Variants in GRIN2B observed in about 807,000 individuals in gnomAD.
The protein encoded by GRIN2B is glutamate ionotropic receptor NMDA type subunit 2B.
In GRIN2B, 5 loss-of-function variants were observed where a neutral mutation model predicts 114.5. The ratio of observed to expected loss-of-function variants is 0.04; its 90% CI spans 0.02 to 0.09. GRIN2B has a LOEUF of 0.09. Among genes scored for constraint, GRIN2B ranks in the 10% least tolerant of loss-of-function variants. The pLI is 1.00. For missense variants in GRIN2B, 1,108 were observed against 1,943.5 expected, an observed-to-expected ratio of 0.57 and a Z score of 8.08; for synonymous variants, 787 against 745.1, an observed-to-expected ratio of 1.06 and a Z score of -0.92.
chr12:13,817,532 G>A (rs572854701), intron 3 of GRIN2B, among the ~76,000 whole-genome samples: 29 of 152,170 alleles, frequency 1.9e-4, no homozygotes, highest in Non-Finnish European at 3.1e-4. Flanking sequence ...ATTAATTCTA[G>A]CACATGTGGA....
At chr12:13,723,816 A>C (rs914203281) in intron 4 of GRIN2B, among the ~76,000 whole-genome samples, 1 of 152,162 alleles carries the variant, frequency 6.6e-6, no homozygotes. Flanking sequence ...AAGTCTTAAA[A>C]AAATAAACTG....
Position 13,567,048 on chromosome 12 carries a change from C to G in GRIN2B, c.2575G>C (p.Gly859Arg). 1 of 1,613,536 alleles carries G rather than the reference C, an allele frequency of 6.2e-7. No homozygotes were observed. The highest frequency in any genetic ancestry group is 8.5e-7 in the Non-Finnish European group (1 of 1,179,444). ...ACTCTGCTGATGGAGAAGACCATGCCAGGCTTGCCAGAACAGACACCCATA... is the reference window on the plus strand; with the variant it reads ...ACTCTGCTGATGGAGAAGACCATGCGAGGCTTGCCAGAACAGACACCCATA... ...CFMGVCSGKP[G>R]MVFSISRGIY... is the part of the protein sequence containing the mutation. Residue 859 changes from glycine (G) to arginine (R), a missense_variant, in exon 13 of 14, where the codon GGC (glycine) becomes CGC (arginine). By Grantham distance (125) the Gly-to-Arg change is moderately radical. Coordinates refer to ENST00000609686, the MANE Select transcript of GRIN2B (RefSeq NM_000834.5).
chr12:13,863,637 T>C (rs1423224020), intron 3 of GRIN2B, among the ~76,000 whole-genome samples: 2 of 152,196 alleles, frequency 1.3e-5, no homozygotes, highest in African/African-American at 4.8e-5. Context: ...GCCTAGCATA[T>C]GGGGAACACT....
At chr12:13,596,259 C>T (rs1172312936) in intron 10 of GRIN2B, among the ~76,000 whole-genome samples, 2 of 152,196 alleles carry the variant, frequency 1.3e-5, no homozygotes, top group Non-Finnish European at 2.9e-5. Flanking sequence ...GCCTCAGGGT[C>T]TGTTGGCAAT....
chr12:13,939,092 T>C (rs1022557191), intron 2 of GRIN2B, among the ~76,000 whole-genome samples: 2 of 152,198 alleles, frequency 1.3e-5, no homozygotes, highest in Non-Finnish European at 2.9e-5. Flanking sequence ...GTCTTTGAAT[T>C]ACCATCCAAT....
At position 13,846,048 on chromosome 12, in the gene GRIN2B, CA is replaced by C. The variant is rs1865468193; in HGVS notation, c.411+19749del. On this transcript the variant is annotated intron_variant, in intron 3 of 13. Transcript: ENST00000609686. ...CTCAACATTCTCTTCTCATGGACAT[CA>C]TACCAGAAACTTCTTGAATAGATTG... is the stretch of plus-strand genomic sequence containing the variant. Among the ~76,000 whole-genome samples, 3 of 152,332 alleles carry C rather than the reference CA, an allele frequency of 2.0e-5. No homozygotes were observed. In the South Asian group the frequency reaches 6.2e-4, roughly 32 times the overall value.
chr12:13,789,554 G>A lies in GRIN2B; in HGVS notation c.412-35639C>T, dbSNP rs114760885. On this transcript the variant is annotated intron_variant, in intron 3 of 13. Coordinates refer to ENST00000609686, the MANE Select transcript of GRIN2B (RefSeq NM_000834.5). ...GTCCAAGATCAGTTTTTTTTTAGTC[G>A]CTCTGAATATTTGGAGAAATTATCT... is the stretch of plus-strand genomic sequence containing the variant. Among the ~76,000 whole-genome samples, 1,115 of 152,092 alleles carry A rather than the reference G, an allele frequency of 7.3e-3. 24 individuals carry two copies. The highest frequency in any genetic ancestry group is 0.026 in the African/African-American group (1,076 of 41,486).
chr12:13,614,936 C>T (rs1949416385), intron 8 of GRIN2B, among the ~76,000 whole-genome samples, 178 bp downstream of exon 8: 1 of 152,194 alleles, frequency 6.6e-6, no homozygotes, highest in South Asian at 2.1e-4. Flanking sequence ...GGGTGTTCAT[C>T]AGCTTTCATG....
intron 4 of GRIN2B, among the ~76,000 whole-genome samples, chr12:13,682,591 G>T (rs562567121): frequency 1.4e-4 from 22 of 152,230 alleles, no homozygotes; most frequent in Non-Finnish European, 2.6e-4. Context: ...TTCTAAATTA[G>T]TGGTGTTAAG....
At chr12:13,565,691 A>G (rs1181549269) in intron 13 of GRIN2B, among the ~76,000 whole-genome samples, 3 of 152,308 alleles carry the variant, frequency 2.0e-5, no homozygotes, top group Non-Finnish European at 4.4e-5. Flanking sequence ...GAATTGTGTC[A>G]TTATAATGAA....
intron 2 of GRIN2B, among the ~76,000 whole-genome samples, chr12:13,901,695 C>CT (rs1481171894): frequency 8.5e-5 from 13 of 152,078 alleles, no homozygotes; most frequent in African/African-American, 3.1e-4. Context: ...TTTTCATTAT[C>CT]TTTTTGGTAT....
intron 4 of GRIN2B, among the ~76,000 whole-genome samples, chr12:13,732,776 GA>G (rs369823384): frequency 4.8e-4 from 73 of 152,252 alleles, no homozygotes; most frequent in African/African-American, 1.7e-3. Flanking sequence ...TCTAAAAATA[GA>G]ATCTGAAACA....
At chr12:13,628,734 A>C (rs1354732426) in intron 5 of GRIN2B, among the ~76,000 whole-genome samples, 1 of 152,242 alleles carries the variant, frequency 6.6e-6, no homozygotes, top group Non-Finnish European at 1.5e-5. Flanking sequence ...GAAAGTAATG[A>C]GAAGCATTCT....
At chr12:13,689,881 A>G (rs1950200835) in intron 4 of GRIN2B, among the ~76,000 whole-genome samples, 3 of 151,640 alleles carry the variant, frequency 2.0e-5, no homozygotes, top group Non-Finnish European at 4.4e-5. Flanking sequence ...GCATAATCCA[A>G]CTCTTGCTCA....
intron 5 of GRIN2B, among the ~76,000 whole-genome samples, chr12:13,630,629 A>G (rs1949608335): frequency 6.6e-6 from 1 of 152,196 alleles, no homozygotes; most frequent in Admixed American, 6.5e-5. Flanking sequence ...TACCAACACT[A>G]GACCCACAAA....
intron 9 of GRIN2B, among the ~76,000 whole-genome samples, chr12:13,610,819 T>C (rs1311065020): frequency 6.6e-6 from 1 of 152,220 alleles, no homozygotes. Context: ...AGCCCCAACC[T>C]AGACTTAGTG....
At chr12:13,962,454 AC>A (rs1867711621) in intron 2 of GRIN2B, among the ~76,000 whole-genome samples, 1 of 152,234 alleles carries the variant, frequency 6.6e-6, no homozygotes, top group Admixed American at 6.5e-5. Context: ...TATAAAAGTA[AC>A]CCTGAATTGC....
At chr12:13,927,751 C>T (rs1866943361) in intron 2 of GRIN2B, among the ~76,000 whole-genome samples, 1 of 150,830 alleles carries the variant, frequency 6.6e-6, no homozygotes, top group Admixed American at 6.6e-5. Flanking sequence ...CCCAGGAGTA[C>T]AAGACCAGCC....
chr12:13,756,125 T>G (rs1205956935), intron 3 of GRIN2B, among the ~76,000 whole-genome samples: 1 of 152,104 alleles, frequency 6.6e-6, no homozygotes, highest in Non-Finnish European at 1.5e-5. Flanking sequence ...TCAAGCACTC[T>G]CTGCCTCAGC....
Sources: allele counts gnomAD v4.1 joint callset (sites outside exome capture counted in the v4.1 genomes callset), GRCh38; gene constraint gnomAD v4.1.1; transcripts MANE v1.5; gene names NCBI Gene and HGNC (gene_info 2026-07-23, HGNC 2026-07-21).